The following MT3 variants were observed in gnomAD, a reference collection of about 807,000 sequenced individuals.
MT3 encodes the protein metallothionein 3, also known as metallothionein-3.
MT3 carries 8 observed loss-of-function variants against 10.9 expected under a neutral mutation model. The observed-to-expected ratio is 0.73, with a 90% CI of 0.43 to 1.33. The LOEUF (loss-of-function observed/expected upper bound fraction) is 1.33, where lower values mean the gene tolerates loss of function less well. Among genes scored for constraint, MT3 ranks in the 40% most tolerant of loss-of-function variants. The pLI is 0.01. For missense variants in MT3, 75 were observed against 83.9 expected, an observed-to-expected ratio of 0.89 and a Z score of 0.41; for synonymous variants, 32 against 29.9, an observed-to-expected ratio of 1.07 and a Z score of -0.23.
chr16:56,590,378 G>A (rs753204033), intron 2 of MT3: 29 of 518,668 alleles, frequency 5.6e-5, no homozygotes, highest in African/African-American at 7.6e-5. Flanking sequence ...GGGAGTAAGA[G>A]GTGGGAGGAA....
At chr16:56,590,114 T>C (rs2144277572) in intron 2 of MT3, 179 bp downstream of exon 2, 1 of 730,378 alleles carries the variant, frequency 1.4e-6, no homozygotes, top group Non-Finnish European at 2.4e-6. Context: ...CACCCAGGAA[T>C]TGATGGCCTA....
chr16:56,589,961 GC>G, intron 2 of MT3, 26 bp downstream of exon 2: 1 of 1,612,234 alleles, frequency 6.2e-7, no homozygotes, highest in Non-Finnish European at 8.5e-7. Flanking sequence ...CTTCCCCTCT[GC>G]CGCCGCCCCC....
intron 1 of MT3, 36 bp downstream of exon 1, chr16:56,589,657 C>G: frequency 6.2e-7 from 1 of 1,605,126 alleles, no homozygotes; most frequent in Non-Finnish European, 8.5e-7. Context: ...CTGCGCACTG[C>G]GCGCCCTTGT....
intron 2 of MT3, 143 bp downstream of exon 2, chr16:56,590,078 A>G (rs1009917407): frequency 3.6e-6 from 3 of 836,180 alleles, no homozygotes; most frequent in Admixed American, 2.0e-5. Context: ...CCGGGCAGAC[A>G]TTAAAATACA....
chr16:56,590,820 A>G lies in MT3; in HGVS notation c.98-20A>G, dbSNP rs764610355. ...GGGGAGTGTGCATCAGAGAGTGGTC[A>G]TCTTCCATTTTATCTGCAGGCTGCT... On this transcript the variant is annotated intron_variant, in intron 2 of 2. Coordinates refer to ENST00000200691, the MANE Select transcript of MT3 (RefSeq NM_005954.4). The G allele has an allele frequency of 1.2e-6, 2 of 1,609,748 alleles. No individual in the cohort carries two copies. The highest frequency in any genetic ancestry group is 2.2e-5 in the South Asian group (2 of 90,396).
rs770925338 is a variant in MT3, at chr16:56,590,990, G to C, written c.*41G>C. 4.5e-5 allele frequency: 70 copies of C among 1,569,298 alleles called. No individual in the cohort carries two copies. Among genetic ancestry groups the C allele is most frequent in the Non-Finnish European group, 6.0e-5 (69 of 1,147,778 alleles). ...TGTGGAGCACGTGGAGATAGTGCCA[G>C]GTGGCTCAGTGCCACCTATGCCTGT... On this transcript the variant is annotated 3_prime_UTR_variant, in exon 3 of 3. Transcript: ENST00000200691.
intron 2 of MT3, chr16:56,590,167 A>G (rs11644094): frequency 0.33 from 225,484 of 673,654 alleles, 42,006 homozygotes; most frequent in Non-Finnish European, 0.41. Flanking sequence ...GAAGACTCCA[A>G]TGGCAGCTGG....
intron 2 of MT3, chr16:56,590,473 A>G (rs986179781): frequency 6.9e-6 from 3 of 437,494 alleles, no homozygotes; most frequent in Middle Eastern, 1.3e-3. Context: ...CATCTGCACC[A>G]TATCTGCCCC....
rs537224133 is a variant in MT3, at chr16:56,589,941, T to A, written c.97+6T>A. ...ATGCACCTCCTGCAAGAAGAGTGAG[T>A]GCGGGGACCCTTCCCCTCTGCCGCC... On this transcript the variant is annotated splice_donor_region_variant and intron_variant, in intron 2 of 2. Transcript: ENST00000200691. The A allele has an allele frequency of 2.5e-6, 4 of 1,613,670 alleles. No homozygotes were observed. Among genetic ancestry groups the A allele is most frequent in the Non-Finnish European group, 2.5e-6 (3 of 1,179,964 alleles).
chr16:56,589,692 C>T (rs1444470053), intron 1 of MT3, 71 bp downstream of exon 1: 1 of 1,601,682 alleles, frequency 6.2e-7, no homozygotes, highest in Non-Finnish European at 8.5e-7. Flanking sequence ...CCACGCCCTG[C>T]GCCTTCGCTC....
At chr16:56,590,712 G>C (rs893592230) in intron 2 of MT3, 128 bp from the exon 3 acceptor site, 2 of 837,762 alleles carry the variant, frequency 2.4e-6, no homozygotes, top group Middle Eastern at 2.3e-4. Context: ...GACTAAGAAG[G>C]GGGCTGCGAC....
At chr16:56,590,271 G>C (rs905349208) in intron 2 of MT3, 88 of 601,120 alleles carry the variant, frequency 1.5e-4, no homozygotes, top group Admixed American at 1.2e-3. Flanking sequence ...CTGCGGCTCA[G>C]CTCTGGAGTT....
chr16:56,591,011 C>G lies in MT3; in HGVS notation c.*62C>G. The stretch of plus-strand genomic sequence containing the variant: ...GCCAGGTGGCTCAGTGCCACCTATG[C>G]CTGTGGTGAAGTGTGGCTGGTGTCC... On this transcript the variant is annotated 3_prime_UTR_variant, in exon 3 of 3. Transcript: ENST00000200691. The G allele has an allele frequency of 1.4e-6, 2 of 1,410,070 alleles. No individual in the cohort carries two copies. Among genetic ancestry groups the G allele is most frequent in the Non-Finnish European group, 2.0e-6 (2 of 1,009,928 alleles). 87.3% of individuals were successfully genotyped at this position (1,410,070 alleles called of 1,614,324 possible).
chr16:56,589,637 C>A lies in MT3; in HGVS notation c.31+16C>A. Reference sequence around the variant, plus strand: ...TGCCCTTCTGGTGAGCCCCCGCCCCCGCTCGCATCCTGCGCACTGCGCGCC... The same window carrying A: ...TGCCCTTCTGGTGAGCCCCCGCCCCAGCTCGCATCCTGCGCACTGCGCGCC... On this transcript the variant is annotated intron_variant, in intron 1 of 2. Coordinates refer to ENST00000200691, the MANE Select transcript of MT3 (RefSeq NM_005954.4). 1 of 1,605,624 alleles carries A rather than the reference C, an allele frequency of 6.2e-7. No individual in the cohort carries two copies. Among genetic ancestry groups the A allele is most frequent in the Admixed American group, 1.7e-5 (1 of 59,960 alleles).
At chr16:56,590,533 G>A in intron 2 of MT3, 4 of 447,062 alleles carry the variant, frequency 8.9e-6, no homozygotes, top group Non-Finnish European at 1.6e-5. Flanking sequence ...ACCCTGTGAT[G>A]CTTTCTCCTT....
chr16:56,590,209 C>T, intron 2 of MT3: 2 of 617,840 alleles, frequency 3.2e-6, no homozygotes, highest in Middle Eastern at 3.2e-4. Flanking sequence ...TCCAACCTTT[C>T]CCGACCCATC....
chr16:56,591,021 A>G lies in MT3; in HGVS notation c.*72A>G, dbSNP rs1355849453. On this transcript the variant is annotated 3_prime_UTR_variant, in exon 3 of 3. Coordinates refer to ENST00000200691, the MANE Select transcript of MT3 (RefSeq NM_005954.4). ...TCAGTGCCACCTATGCCTGTGGTGA[A>G]GTGTGGCTGGTGTCCCCTTCCCCTG... 51 of 1,318,264 alleles carry G rather than the reference A, an allele frequency of 3.9e-5. No individual in the cohort carries two copies. The highest frequency in any genetic ancestry group is 4.1e-4 in the Middle Eastern group (2 of 4,894). The allele number at this position is 1,318,264 out of a possible 1,614,324, so 81.7% of individuals were successfully genotyped here.
chr16:56,589,941 T>G lies in MT3; in HGVS notation c.97+6T>G. On this transcript the variant is annotated splice_donor_region_variant and intron_variant, in intron 2 of 2. Transcript: ENST00000200691. The stretch of plus-strand genomic sequence containing the variant: ...ATGCACCTCCTGCAAGAAGAGTGAG[T>G]GCGGGGACCCTTCCCCTCTGCCGCC... 6.2e-7 allele frequency: 1 copy of G among 1,613,788 alleles called. No individual in the cohort carries two copies. The highest frequency in any genetic ancestry group is 1.1e-5 in the South Asian group (1 of 91,058).
At chr16:56,590,647 TGGA>T in intron 2 of MT3, 190 bp from the exon 3 acceptor site, 3 of 601,738 alleles carry the variant, frequency 5.0e-6, no homozygotes, top group Non-Finnish European at 9.0e-6. Flanking sequence ...CTCACTCCTG[TGGA>T]GGTGCAGGAT....
Sources: gnomAD v4.1 joint callset for allele counts on GRCh38, gnomAD v4.1.1 for gene constraint, MANE v1.5 for transcripts, NCBI Gene and HGNC (gene_info 2026-07-23, HGNC 2026-07-21) for gene names.